The following PARVG variants were observed in gnomAD, a reference collection of about 807,000 sequenced individuals.
PARVG encodes the protein parvin gamma.
Under a neutral mutation model 44.4 loss-of-function variants are expected in PARVG, and 36 were observed. The observed-to-expected ratio is 0.81, with a 90% CI of 0.62 to 1.07. The LOEUF is 1.07. Ranked by LOEUF, PARVG falls within the 50% of genes least tolerant of loss-of-function variation. The probability of loss-of-function intolerance (pLI) is 0.00; values close to 1 mark genes in which losing one functional copy is unlikely to be tolerated. For synonymous variants in PARVG, 170 were observed against 174.1 expected (o/e 0.98, Z 0.19); for missense variants, 407 against 407.4 (o/e 1.00, Z 0.01).
intron 1 of PARVG, chr22:44,181,461 T>A (rs2054375680): frequency 2.2e-6 from 2 of 913,992 alleles, no homozygotes; most frequent in Non-Finnish European, 2.6e-6. Flanking sequence ...GGATGGAGGG[T>A]GGAGGCCAGG....
At position 44,193,963 on chromosome 22, in the gene PARVG, T is replaced by C. The variant is rs1185085723; in HGVS notation, c.583+140T>C. 3 of 1,122,536 alleles carry C rather than the reference T, an allele frequency of 2.7e-6. 1 individual carries two copies. The East Asian group carries it at 7.6e-5, about 29-fold the overall frequency. The allele number at this position is 1,122,536 out of a possible 1,614,324, so 69.5% of individuals were successfully genotyped here. On this transcript the variant is annotated intron_variant, in intron 9 of 13. Coordinates refer to ENST00000444313, the MANE Select transcript of PARVG (RefSeq NM_022141.7). ...TTTGTATCTCAAGCCTCATTCTTATTCATTTGTCCCTCTTTCTGTCTGTCC... is the reference window on the plus strand; with the variant it reads ...TTTGTATCTCAAGCCTCATTCTTATCCATTTGTCCCTCTTTCTGTCTGTCC...
chr22:44,198,802 T>C, intron 12 of PARVG, 80 bp downstream of exon 12: 1 of 1,156,136 alleles, frequency 8.6e-7, no homozygotes, highest in Non-Finnish European at 1.3e-6. Flanking sequence ...AGTCTGTTTA[T>C]TCACTTCCAG....
chr22:44,196,238 G>T (rs1320734837), intron 10 of PARVG, 25 bp downstream of exon 10: 1 of 1,614,028 alleles, frequency 6.2e-7, no homozygotes, highest in Admixed American at 1.7e-5. Context: ...AGCTCTCAGC[G>T]GCTCTCAGGC....
intron 11 of PARVG, 57 bp downstream of exon 11, chr22:44,196,472 A>T: frequency 6.3e-7 from 1 of 1,597,740 alleles, no homozygotes. Flanking sequence ...CGTAGGAAGG[A>T]AAGAGGGTTC....
At chr22:44,201,193 C>T (rs745812329) in intron 12 of PARVG, among the ~76,000 whole-genome samples, 12 of 152,170 alleles carry the variant, frequency 7.9e-5, no homozygotes, top group Non-Finnish European at 1.5e-4. Context: ...AGTCCCTCGG[C>T]GCTCTGTGGG....
chr22:44,179,968 A>G (rs1330093873), upstream of PARVG, among the ~76,000 whole-genome samples: 3 of 152,186 alleles, frequency 2.0e-5, no homozygotes, highest in African/African-American at 7.2e-5. This position sits in a 1 kb window ranked among gnomAD's most constrained non-coding sequence, Gnocchi z 4.2. Context: ...TGAATGCTTT[A>G]GGTTCACCTC....
intron 6 of PARVG, 31 bp downstream of exon 6, chr22:44,189,285 G>A: frequency 6.2e-7 from 1 of 1,611,176 alleles, no homozygotes; most frequent in Non-Finnish European, 8.5e-7. Flanking sequence ...CTACCCCTGG[G>A]GAGTGTGGGG....
chr22:44,193,890 A>G (rs1341073791), intron 9 of PARVG, 67 bp downstream of exon 9: 30 of 1,575,028 alleles, frequency 1.9e-5, no homozygotes, highest in South Asian at 1.3e-4. Flanking sequence ...ACAAGTCTTA[A>G]TGCAGGGTTA....
Position 44,187,859 on chromosome 22 carries a change from C to T in PARVG, c.228C>T (p.Leu76=), listed in dbSNP as rs775291749. ...RSLEEDMFDG[L]ILHHLFQRLA... Reference sequence around the variant, plus strand: ...TGGAGGAGGACATGTTCGACGGGCTCATCCTACACCACCTATTCCGTAAGT... The same window carrying T: ...TGGAGGAGGACATGTTCGACGGGCTTATCCTACACCACCTATTCCGTAAGT... Residue 76 remains leucine (L), a synonymous_variant, in exon 5 of 14, where the codon CTC becomes CTT. Transcript: ENST00000444313. The T allele has an allele frequency of 1.9e-5, 30 of 1,614,130 alleles. No individual in the cohort carries two copies. Among genetic ancestry groups the T allele is most frequent in the Non-Finnish European group, 2.5e-5 (29 of 1,180,052 alleles).
intron 6 of PARVG, 89 bp downstream of exon 6, chr22:44,189,343 A>G: frequency 6.5e-7 from 1 of 1,527,650 alleles, no homozygotes; most frequent in Non-Finnish European, 8.8e-7. Context: ...AGGAAGGCGC[A>G]CTCATCCTTC....
rs113980765 is a variant in PARVG, at chr22:44,185,673, A to G, written c.80-135A>G. On this transcript the variant is annotated intron_variant, in intron 3 of 13. Coordinates refer to ENST00000444313, the MANE Select transcript of PARVG (RefSeq NM_022141.7). ...TGGTGTTCGTGAGGGAAATGAGGGA[A>G]AGCACGCTGGGGCGGAAGTGGCAGG... 21 of 666,306 alleles carry G rather than the reference A, an allele frequency of 3.2e-5. 1 individual carries two copies. The highest frequency in any genetic ancestry group is 2.3e-4 in the African/African-American group (13 of 55,370). 41.3% of individuals were successfully genotyped at this position (666,306 alleles called of 1,614,324 possible). A position where few individuals can be genotyped will look rare whatever the true frequency, so the allele number is the denominator to read the frequency against.
intron 12 of PARVG, among the ~76,000 whole-genome samples, chr22:44,203,548 G>A (rs975736104): frequency 6.6e-6 from 1 of 152,224 alleles, no homozygotes; most frequent in Non-Finnish European, 1.5e-5. Flanking sequence ...CAAAGGCGGA[G>A]CTTTGAGGCA....
At chr22:44,206,281 G>T (rs748475099) in intron 13 of PARVG, 36 bp from the exon 14 acceptor site, 1 of 1,516,194 alleles carries the variant, frequency 6.6e-7, no homozygotes, top group South Asian at 1.1e-5. Context: ...TGCCACCCAG[G>T]CCTGACTGGC....
intron 6 of PARVG, among the ~76,000 whole-genome samples, chr22:44,189,709 G>A (rs1028189727): frequency 1.3e-5 from 2 of 152,194 alleles, no homozygotes; most frequent in African/African-American, 4.8e-5. Context: ...CTGAGGTCAG[G>A]AGTTTGAGAC....
chr22:44,205,243 G>C (rs1279457794), intron 12 of PARVG, among the ~76,000 whole-genome samples: 1 of 152,172 alleles, frequency 6.6e-6, no homozygotes, highest in African/African-American at 2.4e-5. Flanking sequence ...TTTCTGTCTC[G>C]TGAGCTCCAG....
Position 44,182,968 on chromosome 22 carries a change from C to G in PARVG, c.-12-350C>G. 1 of 285,972 alleles carries G rather than the reference C, an allele frequency of 3.5e-6. No homozygotes were observed. Among genetic ancestry groups the G allele is most frequent in the Non-Finnish European group, 6.6e-6 (1 of 152,230 alleles). The allele number at this position is 285,972 out of a possible 1,614,324, so 17.7% of individuals were successfully genotyped here. A position where few individuals can be genotyped will look rare whatever the true frequency, so the allele number is the denominator to read the frequency against. ...AGGAGTGAGCTGTACCTACTTTGTC[C>G]TGTCTGGGATAGGGTGGGGGGTCCC... On this transcript the variant is annotated intron_variant, in intron 2 of 13. Coordinates refer to ENST00000444313, the MANE Select transcript of PARVG (RefSeq NM_022141.7). This position sits in a 1 kb window ranked among gnomAD's most constrained non-coding sequence, Gnocchi z 4.6.
intron 5 of PARVG, chr22:44,188,904 A>G: frequency 1.6e-6 from 1 of 623,658 alleles, no homozygotes; most frequent in South Asian, 2.0e-5. Context: ...TGGCCCACCA[A>G]TCCTGTTCTG....
At chr22:44,192,293 C>T (rs537617709) in intron 8 of PARVG, among the ~76,000 whole-genome samples, 189 bp downstream of exon 8, 5 of 152,302 alleles carry the variant, frequency 3.3e-5, no homozygotes, top group South Asian at 2.1e-4. Context: ...CCCTTTCTAG[C>T]CTCCAACCAG....
chr22:44,201,476 C>G (rs536834832), intron 12 of PARVG, among the ~76,000 whole-genome samples: 60 of 152,244 alleles, frequency 3.9e-4, no homozygotes, highest in African/African-American at 1.4e-3. Context: ...CCTCCACCTT[C>G]CCTGGAGGCC....
Sources: allele counts gnomAD v4.1 joint callset (sites outside exome capture counted in the v4.1 genomes callset), GRCh38; gene constraint gnomAD v4.1.1; non-coding constraint Gnocchi (gnomAD v3.1); transcripts MANE v1.5; gene names NCBI Gene and HGNC (gene_info 2026-07-23, HGNC 2026-07-21).